EEIG1: variants seen among roughly 807,000 people sequenced by gnomAD.
EEIG1 encodes the protein estrogen-induced osteoclastogenesis regulator 1.
the EEIG1 span, chr9:127,980,092 A>C: frequency 4.3e-6 from 7 of 1,613,604 alleles, no homozygotes; most frequent in Non-Finnish European, 5.9e-6. Flanking sequence ...TCCAGGGTGA[A>C]AGTAGTTTGG....
At chr9:127,950,578 T>A in the EEIG1 span, 1 of 1,600,544 alleles carries the variant, frequency 6.2e-7, no homozygotes, top group Non-Finnish European at 8.5e-7. Context: ...GCTGAGGGAG[T>A]GTGGGCTCCT....
chr9:127,977,619 G>T, the EEIG1 span, among the ~76,000 whole-genome samples: 2 of 152,198 alleles, frequency 1.3e-5, no homozygotes, highest in African/African-American at 4.8e-5. Flanking sequence ...CAACAGAAGC[G>T]ATAACTGCTG....
At chr9:127,980,799 C>A in the EEIG1 span, among the ~76,000 whole-genome samples, 1 of 149,706 alleles carries the variant, frequency 6.7e-6, no homozygotes. Flanking sequence ...ACCGGGCCGG[C>A]CCCGGGCAGC....
the EEIG1 span, among the ~76,000 whole-genome samples, chr9:127,959,320 A>G: frequency 2.0e-5 from 3 of 152,264 alleles, no homozygotes; most frequent in Admixed American, 2.0e-4. Context: ...TCAGCAATAA[A>G]GAGAAATGAT....
chr9:127,953,033 GGGA>G, the EEIG1 span, among the ~76,000 whole-genome samples: 3 of 152,264 alleles, frequency 2.0e-5, no homozygotes, highest in African/African-American at 7.2e-5. Flanking sequence ...GGGAGGCTGA[GGGA>G]GGAGAATTGT....
the EEIG1 span, among the ~76,000 whole-genome samples, chr9:127,968,745 C>T: frequency 6.6e-6 from 1 of 152,160 alleles, no homozygotes; most frequent in Non-Finnish European, 1.5e-5. Context: ...ATCGCTCCGC[C>T]AAAGTCACTT....
At chr9:127,979,856 G>T in the EEIG1 span, 1 of 1,121,366 alleles carries the variant, frequency 8.9e-7, no homozygotes, top group Non-Finnish European at 1.2e-6. Context: ...GTCCTGCCTT[G>T]TGCAACCTGC....
At chr9:127,954,540 A>G in the EEIG1 span, among the ~76,000 whole-genome samples, 1 of 152,214 alleles carries the variant, frequency 6.6e-6, no homozygotes, top group Non-Finnish European at 1.5e-5. Context: ...GCACTGTTCA[A>G]AGAACTTCAC....
chr9:127,962,676 G>A, the EEIG1 span, among the ~76,000 whole-genome samples: 1 of 152,128 alleles, frequency 6.6e-6, no homozygotes, highest in South Asian at 2.1e-4. Flanking sequence ...CTCAGAAAGA[G>A]GAAAGTGTAA....
the EEIG1 span, chr9:127,948,033 C>G: frequency 6.3e-7 from 1 of 1,585,948 alleles, no homozygotes; most frequent in Non-Finnish European, 8.6e-7. Flanking sequence ...CCCCTCGGGC[C>G]GCTAGCAGGG....
At chr9:127,972,256 C>A in the EEIG1 span, among the ~76,000 whole-genome samples, 5 of 152,140 alleles carry the variant, frequency 3.3e-5, no homozygotes, top group Non-Finnish European at 7.3e-5. The surrounding 1 kb of genome is among the most constrained non-coding windows in gnomAD (Gnocchi z 4.3). Context: ...AACACGCAGA[C>A]CCCACTGGGG....
chr9:127,969,465 C>T, the EEIG1 span, among the ~76,000 whole-genome samples: 7 of 152,188 alleles, frequency 4.6e-5, no homozygotes, highest in Non-Finnish European at 7.3e-5. Flanking sequence ...CCAGCCTTTA[C>T]TGAGCCCGTA....
At chr9:127,974,525 C>T in the EEIG1 span, among the ~76,000 whole-genome samples, 22 of 152,214 alleles carry the variant, frequency 1.4e-4, no homozygotes, top group African/African-American at 5.3e-4. Flanking sequence ...GTCACTTCTT[C>T]CAGGAAGCTC....
chr9:127,953,713 C>T, the EEIG1 span: 1 of 1,605,784 alleles, frequency 6.2e-7, no homozygotes, highest in East Asian at 2.2e-5. Flanking sequence ...ACGGGCAGAG[C>T]AACTCACCCC....
At chr9:127,943,631 C>T in the EEIG1 span, 2 of 240,966 alleles carry the variant, frequency 8.3e-6, no homozygotes, top group Non-Finnish European at 1.7e-5. Flanking sequence ...AGGCCCAGCC[C>T]TGGAGTCGGG....
chr9:127,956,824 C>T, the EEIG1 span, among the ~76,000 whole-genome samples: 4 of 152,314 alleles, frequency 2.6e-5, no homozygotes, highest in South Asian at 2.1e-4. Context: ...AAGTGATTCT[C>T]GTGCCTCAGA....
At chr9:127,977,954 C>T in the EEIG1 span, among the ~76,000 whole-genome samples, 1 of 152,186 alleles carries the variant, frequency 6.6e-6, no homozygotes, top group East Asian at 1.9e-4. Context: ...AGGTAACTTG[C>T]CCAATGTCAC....
chr9:127,959,680 T>C, the EEIG1 span, among the ~76,000 whole-genome samples: 1 of 152,254 alleles, frequency 6.6e-6, no homozygotes, highest in East Asian at 1.9e-4. Flanking sequence ...CTGCTGCTTC[T>C]GTCTCCTGCT....
chr9:127,953,144 A>T, the EEIG1 span: 1 of 168,524 alleles, frequency 5.9e-6, no homozygotes, highest in Non-Finnish European at 1.3e-5. Flanking sequence ...GGAAAAAAAA[A>T]ATCATATTGT....
Sources: allele counts gnomAD v4.1 joint callset (sites outside exome capture counted in the v4.1 genomes callset), GRCh38; gene constraint gnomAD v4.1.1; non-coding constraint Gnocchi (gnomAD v3.1); transcripts MANE v1.5; gene names NCBI Gene and HGNC (gene_info 2026-07-23, HGNC 2026-07-21).